ELL: variants seen among roughly 807,000 people sequenced by gnomAD.
ELL encodes the protein elongation factor for RNA polymerase II, also known as RNA polymerase II elongation factor ELL.
Under a neutral mutation model 64.0 loss-of-function variants are expected in ELL, and 18 were observed. The ratio of observed to expected loss-of-function variants is 0.28; its 90% CI spans 0.19 to 0.42. ELL has a LOEUF of 0.42. Ranked by LOEUF, ELL falls within the 10% of genes least tolerant of loss-of-function variation. The pLI, the probability that ELL is intolerant of heterozygous loss-of-function variation, is 1.00. For synonymous variants in ELL, 399 were observed against 376.2 expected, an observed-to-expected ratio of 1.06 and a Z score of -0.70; for missense variants, 797 against 870.4, an observed-to-expected ratio of 0.92 and a Z score of 1.06.
intron 5 of ELL, 23 bp downstream of exon 5, chr19:18,461,555 C>T (rs776090666): frequency 1.3e-6 from 2 of 1,577,176 alleles, no homozygotes; most frequent in East Asian, 4.5e-5. Context: ...CTGGTAAAGA[C>T]AAGACATCGG....
intron 1 of ELL, among the ~76,000 whole-genome samples, chr19:18,483,488 G>A (rs1002320676): frequency 3.3e-5 from 5 of 152,138 alleles, no homozygotes; most frequent in African/African-American, 1.2e-4. Context: ...CAAATCACAC[G>A]CAAGGACTCG....
At chr19:18,445,011 T>A in intron 11 of ELL, 143 bp from the exon 12 acceptor site, 1 of 1,091,992 alleles carries the variant, frequency 9.2e-7, no homozygotes, top group East Asian at 2.4e-5. Flanking sequence ...AGAGTGGGAG[T>A]TGGTCCCCCG....
chr19:18,514,636 A>T (rs1217940832), intron 1 of ELL, among the ~76,000 whole-genome samples: 4 of 151,832 alleles, frequency 2.6e-5, no homozygotes, highest in Admixed American at 2.6e-4. Context: ...TTCCCTTTGG[A>T]CTCTGTGGCT....
In ELL at chr19:18,446,432, G is replaced by C; in HGVS notation, c.1581C>G (p.Asn527Lys). The change falls in exon 10 of 12, where the codon AAC becomes AAG. Residue 527 changes from asparagine to lysine, a missense_variant. Transcript: ENST00000262809. ...ACTCGCTGTACTCGGCATTGAAGTC[G>C]TTCTTGTAGCTCTGGCGCTGCTCCG... ...SSSEQRQSYK[N>K]DFNAEYSEYR... 1 of 1,613,038 alleles carries C rather than the reference G, an allele frequency of 6.2e-7. No homozygotes were observed. Among genetic ancestry groups the C allele is most frequent in the South Asian group, 1.1e-5 (1 of 90,916 alleles).
chr19:18,465,981 T>TCTTA (rs1358586180), intron 2 of ELL, 63 bp from the exon 3 acceptor site: 26 of 1,247,104 alleles, frequency 2.1e-5, no homozygotes, highest in African/African-American at 4.6e-5. Flanking sequence ...CCAGCCTGCA[T>TCTTA]CTTCCTGCAT....
At chr19:18,491,249 ATTTTTTTTTTTTTTTTTTTTTTTTTT>A (rs565016319) in intron 1 of ELL, among the ~76,000 whole-genome samples, 7 of 72,446 alleles carry the variant, frequency 9.7e-5, no homozygotes, top group East Asian at 5.1e-4. Flanking sequence ...CACCTGGCTA[ATTTTTTTTTTTTTTTTTTTTTTTTTT>A]TTTTTTTTTT....
intron 5 of ELL, among the ~76,000 whole-genome samples, chr19:18,460,159 T>C (rs948505962): frequency 1.3e-5 from 2 of 152,136 alleles, no homozygotes; most frequent in Non-Finnish European, 2.9e-5. Flanking sequence ...CTTTGAGGCA[T>C]GCAGTTTTGT....
intron 6 of ELL, among the ~76,000 whole-genome samples, chr19:18,452,012 G>A (rs1974550305): frequency 6.6e-6 from 1 of 152,214 alleles, no homozygotes; most frequent in African/African-American, 2.4e-5. Context: ...AGAAGAGAAC[G>A]GAGGGCCCTG....
At chr19:18,473,139 G>A in intron 1 of ELL, 1 of 678,062 alleles carries the variant, frequency 1.5e-6, no homozygotes, top group South Asian at 1.5e-5. Flanking sequence ...TCCAGACACA[G>A]GCAACAGGCT....
In ELL at chr19:18,444,790, C is replaced by T. The variant is rs913186416; in HGVS notation, c.1828G>A (p.Ala610Thr). Residue 610 changes from alanine (A) to threonine (T), a missense_variant, in exon 12 of 12, where the codon GCC becomes ACC. Ala to Thr is a moderately conservative substitution (Grantham distance 58). Coordinates refer to ENST00000262809, the MANE Select transcript of ELL (RefSeq NM_006532.4). ...SKLAHIKRLI[A>T]EYDQRQLQAW... is the part of the protein sequence containing the mutation. The stretch of plus-strand genomic sequence containing the variant: ...TGCAGCTGCCGCTGGTCGTACTCGG[C>T]GATGAGCCTCTTGATGTGGGCCAGC... 4 of 1,609,804 alleles carry T rather than the reference C, an allele frequency of 2.5e-6. No homozygotes were observed. The highest frequency in any genetic ancestry group is 1.3e-5 in the African/African-American group (1 of 75,064).
Position 18,508,019 on chromosome 19 carries a change from C to CAT in ELL, c.135+13900_135+13901dup, listed in dbSNP as rs1192599023. Among the ~76,000 whole-genome samples the CAT allele has an allele frequency of 2.0e-5, 3 of 152,214 alleles. No homozygotes were observed. In the East Asian group the frequency reaches 5.8e-4, roughly 29 times the overall value. On this transcript the variant is annotated intron_variant, in intron 1 of 11. Transcript: ENST00000262809. ...TGACTGTGTTTTGTTTCAAAGGTCACATACAGGTCACAAATAAAGAGGCCG... is the reference window on the plus strand; with the variant it reads ...TGACTGTGTTTTGTTTCAAAGGTCACATATACAGGTCACAAATAAAGAGGCCG...
intron 4 of ELL, among the ~76,000 whole-genome samples, chr19:18,462,605 C>T (rs920143555): frequency 1.3e-5 from 2 of 152,004 alleles, no homozygotes; most frequent in African/African-American, 4.8e-5. Context: ...TGGTCTCAAA[C>T]TCATGGGCCC....
chr19:18,487,493 T>C (rs1815680388), intron 1 of ELL, among the ~76,000 whole-genome samples: 1 of 152,246 alleles, frequency 6.6e-6, no homozygotes, highest in Admixed American at 6.5e-5. Flanking sequence ...TCCACCTTGC[T>C]GGGTCTGACA....
intron 1 of ELL, among the ~76,000 whole-genome samples, chr19:18,505,235 G>A (rs1185467333): frequency 6.6e-6 from 1 of 152,108 alleles, no homozygotes; most frequent in African/African-American, 2.4e-5. Flanking sequence ...GCTTTCTTCT[G>A]CATCTGCCAC....
At chr19:18,497,069 C>T (rs1270520153) in intron 1 of ELL, among the ~76,000 whole-genome samples, 1 of 152,226 alleles carries the variant, frequency 6.6e-6, no homozygotes, top group African/African-American at 2.4e-5. Context: ...TGGAAACGTG[C>T]GTCCACATGA....
chr19:18,446,351 G>C lies in ELL; in HGVS notation c.1662C>G (p.Asp554Glu). Reference sequence around the variant, plus strand: ...CCTGGGAGAGCTGCCGGAGCTGGGCGTCGAGCTGGGTGAACCGCCGCGTGA... The same window carrying C: ...CCTGGGAGAGCTGCCGGAGCTGGGCCTCGAGCTGGGTGAACCGCCGCGTGA... ...ERITRRFTQLDAQLRQLSQGS... is the reference protein window; with the variant it reads ...ERITRRFTQLEAQLRQLSQGS... Residue 554 changes from aspartate (D) to glutamate (E), a missense_variant, in exon 10 of 12, where the codon GAC becomes GAG. By Grantham distance (45) the Asp-to-Glu change is conservative (BLOSUM62 2). Coordinates refer to ENST00000262809, the MANE Select transcript of ELL (RefSeq NM_006532.4). 6.2e-7 allele frequency: 1 copy of C among 1,603,414 alleles called. No homozygotes were observed. Among genetic ancestry groups the C allele is most frequent in the African/African-American group, 1.3e-5 (1 of 75,026 alleles).
intron 6 of ELL, among the ~76,000 whole-genome samples, chr19:18,456,812 C>T (rs1056576183): frequency 1.3e-5 from 2 of 152,166 alleles, no homozygotes; most frequent in African/African-American, 4.8e-5. Flanking sequence ...CACATCCCAT[C>T]TGTCTCACGG....
Position 18,494,284 on chromosome 19 carries a change from AAG to A in ELL, c.136-21404_136-21403del, listed in dbSNP as rs761716129. ...GGAGGGGAAGGGAAGGGGAGGGTCA[AAG>A]AGAGAGAGAGAAAAAGGAGAGATTT... On this transcript the variant is annotated intron_variant, in intron 1 of 11. Coordinates refer to ENST00000262809, the MANE Select transcript of ELL (RefSeq NM_006532.4). Among the ~76,000 whole-genome samples, 34 of 152,076 alleles carry A rather than the reference AAG, an allele frequency of 2.2e-4. No individual in the cohort carries two copies. The East Asian group carries it at 5.4e-3, about 24-fold the overall frequency.
chr19:18,519,712 C>G lies in ELL; in HGVS notation c.135+2209G>C, dbSNP rs923849859. Among the ~76,000 whole-genome samples the G allele has an allele frequency of 1.1e-4, 17 of 150,546 alleles. 1 individual carries two copies. The highest frequency in any genetic ancestry group is 4.2e-4 in the African/African-American group (17 of 40,862). ...GTCCCAGCTACTCGGGAGGCTGAGG[C>G]AGGAGAATCGCTTGAACCCGGGAGG... On this transcript the variant is annotated intron_variant, in intron 1 of 11. Transcript: ENST00000262809.
Sources: gnomAD v4.1 joint callset for allele counts (sites outside exome capture counted in the v4.1 genomes callset) on GRCh38, gnomAD v4.1.1 for gene constraint, MANE v1.5 for transcripts, NCBI Gene and HGNC (gene_info 2026-07-23, HGNC 2026-07-21) for gene names.